Variants in PTK7 observed in about 807,000 individuals in gnomAD.
PTK7 encodes the protein inactive tyrosine-protein kinase 7.
A neutral mutation model predicts 116.6 loss-of-function variants in PTK7; 39 were observed. The ratio of observed to expected loss-of-function variants is 0.33; its 90% CI spans 0.26 to 0.44. PTK7 has a LOEUF of 0.44. Among genes scored for constraint, PTK7 ranks in the 20% least tolerant of loss-of-function variants. The pLI is 1.00. For synonymous variants in PTK7, 546 were observed against 563.6 expected (o/e 0.97, Z 0.44); for missense variants, 1,169 against 1,425.6 (o/e 0.82, Z 2.90).
Position 43,141,869 on chromosome 6 carries a change from G to A in PTK7, c.1768+52G>A, listed in dbSNP as rs60949852. 3.9e-3 allele frequency: 6,174 copies of A among 1,600,896 alleles called. 185 individuals carry two copies. In the African/African-American group the frequency reaches 0.069, roughly 18 times the overall value. On this transcript the variant is annotated intron_variant, in intron 11 of 19. Coordinates refer to ENST00000230419, the MANE Select transcript of PTK7 (RefSeq NM_002821.5). This position sits in a 1 kb window ranked among gnomAD's most constrained non-coding sequence, Gnocchi z 4.9. ...TGGGAGGGCCCTCTGGGGTAGCACC[G>A]TGTACCCTGCCAGCCCCTTGGCTTA...
intron 1 of PTK7, among the ~76,000 whole-genome samples, chr6:43,099,103 C>A (rs889900680): frequency 6.7e-6 from 1 of 148,830 alleles, no homozygotes; most frequent in African/African-American, 2.5e-5. Context: ...CATTTAGGAT[C>A]CAGTACTTAA....
intron 17 of PTK7, among the ~76,000 whole-genome samples, chr6:43,152,020 AT>A (rs919605501): frequency 6.8e-6 from 1 of 147,664 alleles, no homozygotes; most frequent in Non-Finnish European, 1.5e-5. Flanking sequence ...AATTTTTTGT[AT>A]TTTTTTTAGT....
intron 17 of PTK7, among the ~76,000 whole-genome samples, chr6:43,147,247 G>A (rs895381015): frequency 2.6e-5 from 4 of 152,224 alleles, no homozygotes; most frequent in African/African-American, 4.8e-5. Flanking sequence ...TGCCTTTTGC[G>A]CAGAGGTTGT....
At chr6:43,109,622 T>A (rs1188580133) in intron 1 of PTK7, among the ~76,000 whole-genome samples, 1 of 152,146 alleles carries the variant, frequency 6.6e-6, no homozygotes, top group Non-Finnish European at 1.5e-5. Context: ...GTGTTATTTT[T>A]AAAATCTTGG....
In PTK7 at chr6:43,139,136, G is replaced by T. The variant is rs1263629845; in HGVS notation, c.1363G>T (p.Asp455Tyr). The change falls in exon 9 of 20, where the codon GAC (aspartate) becomes TAC (tyrosine). Residue 455 changes from aspartate (D) to tyrosine (Y), a missense_variant and splice_region_variant. Physicochemically the swap from Asp to Tyr is radical, Grantham distance 160. Coordinates refer to ENST00000230419, the MANE Select transcript of PTK7 (RefSeq NM_002821.5). The surrounding 1 kb of genome is among the most constrained non-coding windows in gnomAD (Gnocchi z 4.6). ...WYRNQMLISE[D>Y]SRFEVFKNGT... Reference sequence around the variant, plus strand: ...CTGAGGCCTCTCACCTGTGCTGCAGGACTCACGGTTCGAGGTCTTCAAGAA... The same window carrying T: ...CTGAGGCCTCTCACCTGTGCTGCAGTACTCACGGTTCGAGGTCTTCAAGAA... 1.2e-6 allele frequency: 2 copies of T among 1,614,160 alleles called. No homozygotes were observed. The highest frequency in any genetic ancestry group is 8.5e-7 in the Non-Finnish European group (1 of 1,180,014).
At chr6:43,089,473 A>G (rs1292053507) in intron 1 of PTK7, among the ~76,000 whole-genome samples, 6 of 152,218 alleles carry the variant, frequency 3.9e-5, no homozygotes, top group Non-Finnish European at 8.8e-5. Flanking sequence ...CAGCCACCTG[A>G]AAAACAAAAC....
At chr6:43,110,912 C>G (rs751471769) in intron 1 of PTK7, among the ~76,000 whole-genome samples, 3 of 152,156 alleles carry the variant, frequency 2.0e-5, no homozygotes, top group Non-Finnish European at 4.4e-5. Flanking sequence ...CTCCTAGGAT[C>G]GGAAAGCTGA....
chr6:43,101,147 G>C (rs1014052558), intron 1 of PTK7, among the ~76,000 whole-genome samples: 9 of 151,220 alleles, frequency 6.0e-5, no homozygotes, highest in African/African-American at 2.2e-4. Context: ...CCCGGGAGGC[G>C]GAGGTTGCTG....
intron 1 of PTK7, among the ~76,000 whole-genome samples, chr6:43,109,701 C>CTT (rs869108681): frequency 4.3e-5 from 6 of 139,806 alleles, no homozygotes; most frequent in South Asian, 2.3e-4. Context: ...GGAGTATTTT[C>CTT]TTTTTTTTTT....
chr6:43,116,624 G>A (rs1768542798), intron 1 of PTK7, among the ~76,000 whole-genome samples: 2 of 125,420 alleles, frequency 1.6e-5, no homozygotes, highest in Admixed American at 8.2e-5. Flanking sequence ...GTGTGTGTGT[G>A]TGTGTGTGTG....
intron 1 of PTK7, among the ~76,000 whole-genome samples, chr6:43,087,163 G>A (rs569435273): frequency 1.3e-5 from 2 of 152,208 alleles, no homozygotes; most frequent in East Asian, 1.9e-4. Context: ...AGGAGAAGCC[G>A]GTGAGGGTGG....
intron 1 of PTK7, among the ~76,000 whole-genome samples, chr6:43,095,819 G>A (rs184709626): frequency 1.7e-3 from 263 of 152,294 alleles, no homozygotes; most frequent in African/African-American, 5.9e-3. Flanking sequence ...ATTTTTGGAG[G>A]CCCTCTAAGA....
At position 43,143,444 on chromosome 6, in the gene PTK7, G is replaced by T. The variant is rs113301248; in HGVS notation, c.2075G>T (p.Gly692Val). ...AAGCCTGTGCCGGAGGAGTCGGAGG[G>T]CCCTGGCAGCCCTCCCCCCTACAAG... Reference protein sequence around the residue: ...VDKPVPEESEGPGSPPPYKMI... With the variant: ...VDKPVPEESEVPGSPPPYKMI... Residue 692 changes from glycine to valine, a missense_variant, in exon 14 of 20, where the codon GGC (glycine) becomes GTC (valine). Coordinates refer to ENST00000230419, the MANE Select transcript of PTK7 (RefSeq NM_002821.5). The surrounding 1 kb of genome is among the most constrained non-coding windows in gnomAD (Gnocchi z 4.2). 10 of 1,614,006 alleles carry T rather than the reference G, an allele frequency of 6.2e-6. No individual in the cohort carries two copies. In the South Asian group the frequency reaches 9.9e-5, roughly 16 times the overall value.
Position 43,157,290 on chromosome 6 carries a change from TACAC to T in PTK7, c.2722-1522_2722-1519del, listed in dbSNP as rs538811619. Among the ~76,000 whole-genome samples, 36 of 126,634 alleles carry T rather than the reference TACAC, an allele frequency of 2.8e-4. 1 individual carries two copies. The South Asian group carries it at 9.0e-3, about 32-fold the overall frequency. 83.1% of individuals were successfully genotyped at this position (126,634 alleles called of 152,430 possible). ...ATATGGGTCTATATGCCTTAACACA[TACAC>T]ACACGTGCGTGCACACACACAGACA... On this transcript the variant is annotated intron_variant, in intron 17 of 19. Transcript: ENST00000230419.
At chr6:43,097,381 C>T (rs1324367555) in intron 1 of PTK7, among the ~76,000 whole-genome samples, 1 of 152,178 alleles carries the variant, frequency 6.6e-6, no homozygotes, top group African/African-American at 2.4e-5. Flanking sequence ...ATCCTTGTAC[C>T]TGTCTTTGTC....
intron 1 of PTK7, among the ~76,000 whole-genome samples, chr6:43,091,494 A>C (rs1245257932): frequency 6.6e-6 from 1 of 152,162 alleles, no homozygotes; most frequent in Non-Finnish European, 1.5e-5. Context: ...GATAGGAATA[A>C]TAATACCAGT....
chr6:43,128,766 CAA>C (rs1032846732), intron 1 of PTK7, among the ~76,000 whole-genome samples: 1 of 152,094 alleles, frequency 6.6e-6, no homozygotes, highest in Non-Finnish European at 1.5e-5. Context: ...ACCTGGGTGA[CAA>C]GAGCAAAAAA....
intron 1 of PTK7, among the ~76,000 whole-genome samples, chr6:43,091,077 A>G (rs1766925027): frequency 6.6e-6 from 1 of 151,934 alleles, no homozygotes; most frequent in South Asian, 2.1e-4. Flanking sequence ...AAATCTGTTC[A>G]GGAACTGACT....
At position 43,161,405 on chromosome 6, in the gene PTK7, A is replaced by G. The variant is rs904007181; in HGVS notation, c.*524A>G. 2 of 154,398 alleles carry G rather than the reference A, an allele frequency of 1.3e-5. No homozygotes were observed. Among genetic ancestry groups the G allele is most frequent in the African/African-American group, 4.8e-5 (2 of 41,474 alleles). The allele number at this position is 154,398 out of a possible 1,614,324, so 9.6% of individuals were successfully genotyped here. ...TCCTCCCCACTCTGGGCTTGTGCAC[A>G]CTGACCCAGACCCACGTCTTCCCCA... On this transcript the variant is annotated 3_prime_UTR_variant, in exon 20 of 20. Coordinates refer to ENST00000230419, the MANE Select transcript of PTK7 (RefSeq NM_002821.5).
Sources: allele counts gnomAD v4.1 joint callset (sites outside exome capture counted in the v4.1 genomes callset), GRCh38; gene constraint gnomAD v4.1.1; non-coding constraint Gnocchi (gnomAD v3.1); transcripts MANE v1.5; gene names NCBI Gene and HGNC (gene_info 2026-07-23, HGNC 2026-07-21).